Variants in SLC19A1 observed in about 807,000 individuals in gnomAD.
SLC19A1 encodes solute carrier family 19 member 1.
A neutral mutation model predicts 35.3 loss-of-function variants in SLC19A1; 37 were observed. The observed-to-expected ratio is 1.05, with a 90% confidence interval of 0.81 to 1.38. SLC19A1 has a LOEUF of 1.38. Ranked by LOEUF, SLC19A1 falls within the 40% of genes most tolerant of loss-of-function variation. SLC19A1 has a pLI of 0.00. For missense variants in SLC19A1, 831 were observed against 826.9 expected (o/e 1.00, Z -0.06); for synonymous variants, 460 against 398.5 (o/e 1.15, Z -1.84).
downstream of SLC19A1, chr21:45,509,434 C>T (rs2037439756): frequency 6.5e-7 from 1 of 1,533,676 alleles, no homozygotes; most frequent in African/African-American, 1.4e-5. Flanking sequence ...GGAGCACCCC[C>T]ACCCCACCGC....
downstream of SLC19A1, among the ~76,000 whole-genome samples, chr21:45,509,026 C>T (rs898043355): frequency 3.9e-5 from 6 of 152,062 alleles, no homozygotes; most frequent in African/African-American, 1.5e-4. Context: ...GGTCGAAGGT[C>T]GCCGTGTTGA....
At chr21:45,532,472 C>A (rs1360743887) in intron 2 of SLC19A1, among the ~76,000 whole-genome samples, 1 of 152,218 alleles carries the variant, frequency 6.6e-6, no homozygotes, top group Non-Finnish European at 1.5e-5. Context: ...CTTGCTCTGT[C>A]GCCCAGGCTG....
At position 45,516,032 on chromosome 21, in the gene SLC19A1, G is replaced by T; in HGVS notation, c.1402C>A (p.Pro468Thr). The change falls in exon 6 of 6, where the codon CCG becomes ACG. Residue 468 changes from proline (P) to threonine (T), a missense_variant. Transcript: ENST00000311124. ...GCGGCACTCCTCAGGCCCTGGGCCG[G>T]GGGCTGCCGCGGGTGGTGGCCCCGC... is the stretch of plus-strand genomic sequence containing the variant. ...CQRGHHPRQPPAQGLRSAAEE... is the reference protein window; with the variant it reads ...CQRGHHPRQPTAQGLRSAAEE... The T allele has an allele frequency of 6.3e-7, 1 of 1,581,192 alleles. No homozygotes were observed. The highest frequency in any genetic ancestry group is 2.3e-5 in the East Asian group (1 of 43,822).
chr21:45,545,061 T>C (rs1323335015), upstream of SLC19A1, among the ~76,000 whole-genome samples: 3 of 152,218 alleles, frequency 2.0e-5, no homozygotes, highest in African/African-American at 4.8e-5. Flanking sequence ...AAGCAAGGCT[T>C]GGACCAAATG....
chr21:45,532,042 T>TGCA lies in SLC19A1; in HGVS notation c.293_295dup (p.Leu98dup), dbSNP rs1226269513. ...CCACACCGACACGAAGCTGAGCCCC[T>TGCA]GCAGCAGCAGCACCGGCGTGTAGCG... On this transcript the variant is annotated inframe_insertion, in exon 3 of 6. Coordinates refer to ENST00000311124, the MANE Select transcript of SLC19A1 (RefSeq NM_194255.4). The TGCA allele has an allele frequency of 1.2e-6, 2 of 1,612,214 alleles. No homozygotes were observed. The highest frequency in any genetic ancestry group is 1.7e-5 in the Admixed American group (1 of 59,988).
intron 1 of SLC19A1, among the ~76,000 whole-genome samples, chr21:45,551,638 G>A (rs1023977744): frequency 5.9e-5 from 9 of 152,192 alleles, no homozygotes; most frequent in Admixed American, 2.0e-4. Flanking sequence ...ATCAAAGAAC[G>A]TGGCCTAAGC....
chr21:45,561,389 C>A (rs1301251384), intron 1 of SLC19A1, among the ~76,000 whole-genome samples: 3 of 152,164 alleles, frequency 2.0e-5, no homozygotes, highest in Admixed American at 6.5e-5. Flanking sequence ...TATGGTAGGT[C>A]TGGGGCCCGG....
At position 45,530,958 on chromosome 21, in the gene SLC19A1, G is replaced by A. The variant is rs759486957; in HGVS notation, c.963C>T (p.Ser321=). 7 of 1,449,738 alleles carry A rather than the reference G, an allele frequency of 4.8e-6. No homozygotes were observed. The African/African-American group carries it at 1.1e-4, about 22-fold the overall frequency. The allele number at this position is 1,449,738 out of a possible 1,614,324, so 89.8% of individuals were successfully genotyped here. A position where few individuals can be genotyped will look rare whatever the true frequency, so the allele number is the denominator to read the frequency against. ...AASTLLGAIT[S]FAAGFVKIRW... is the part of the protein sequence containing the mutation. ...GGATCTTCACGAAGCCCGCGGCGAA[G>A]GACGTGATGGCGCCTGAGAGGGGAG... The change falls in exon 4 of 6, where the codon TCC becomes TCT. Residue 321 remains serine (S), a synonymous_variant. Coordinates refer to ENST00000311124, the MANE Select transcript of SLC19A1 (RefSeq NM_194255.4). This position sits in a 1 kb window ranked among gnomAD's most constrained non-coding sequence, Gnocchi z 5.3.
chr21:45,507,984 A>G (rs1237606070), downstream of SLC19A1, among the ~76,000 whole-genome samples: 1 of 152,148 alleles, frequency 6.6e-6, no homozygotes, highest in Non-Finnish European at 1.5e-5. Flanking sequence ...TGGGTGGGTG[A>G]ATCAATGGGG....
Position 45,530,697 on chromosome 21 carries a change from G to T in SLC19A1, c.1151+73C>A. The T allele has an allele frequency of 1.4e-6, 2 of 1,446,472 alleles. No individual in the cohort carries two copies. The highest frequency in any genetic ancestry group is 2.5e-5 in the South Asian group (2 of 80,068). 89.6% of individuals were successfully genotyped at this position (1,446,472 alleles called of 1,614,324 possible). A position where few individuals can be genotyped will look rare whatever the true frequency, so the allele number is the denominator to read the frequency against. Reference sequence around the variant, plus strand: ...CCGCTGGGGCGCAGCAGGAAGGTGGGAGCACCCAGCGAAGCGCGGGGCTTG... The same window carrying T: ...CCGCTGGGGCGCAGCAGGAAGGTGGTAGCACCCAGCGAAGCGCGGGGCTTG... On this transcript the variant is annotated intron_variant, in intron 4 of 5. Coordinates refer to ENST00000311124, the MANE Select transcript of SLC19A1 (RefSeq NM_194255.4). This position sits in a 1 kb window ranked among gnomAD's most constrained non-coding sequence, Gnocchi z 5.3.
chr21:45,518,328 G>A (rs1602706180), intron 5 of SLC19A1, among the ~76,000 whole-genome samples: 1 of 152,030 alleles, frequency 6.6e-6, no homozygotes. Flanking sequence ...AGAAAAAATG[G>A]ACTGAAAAAA....
rs202114789 is a variant in SLC19A1 at position 45,525,929 on chromosome 21, T to C, written c.1181A>G (p.Glu394Gly). Residue 394 changes from glutamate (E) to glycine (G), a missense_variant, in exon 5 of 6, where the codon GAG (glutamate) becomes GGG (glycine). Physicochemically the swap from Glu to Gly is moderately conservative, Grantham distance 98. Transcript: ENST00000311124. ...TFQIASSLSK[E>G]LCALVFGVNT... ...GACCCCGAAGACCAGGGCACAGAGCTCTTTAGACAGAGAAGATGCAATCTG... is the reference window on the plus strand; with the variant it reads ...GACCCCGAAGACCAGGGCACAGAGCCCTTTAGACAGAGAAGATGCAATCTG... 4.3e-6 allele frequency: 7 copies of C among 1,613,498 alleles called. No homozygotes were observed. In the South Asian group the frequency reaches 7.7e-5, roughly 18 times the overall value.
At chr21:45,548,152 G>A (rs148368999), upstream of SLC19A1, among the ~76,000 whole-genome samples, 278 of 152,324 alleles carry the variant, frequency 1.8e-3, 3 homozygotes, top group African/African-American at 6.3e-3. Flanking sequence ...GGGTGTCCAC[G>A]TAATTCATTT....
At position 45,514,257 on chromosome 21, in the gene SLC19A1, A is replaced by ACT. The variant is rs1555877845; in HGVS notation, c.*1400_*1401insAG. 6 of 147,690 alleles carry ACT rather than the reference A, an allele frequency of 4.1e-5. No homozygotes were observed. Among genetic ancestry groups the ACT allele is most frequent in the Admixed American group, 4.0e-4 (6 of 14,912 alleles). 9.1% of individuals were successfully genotyped at this position (147,690 alleles called of 1,614,324 possible). A position where few individuals can be genotyped will look rare whatever the true frequency, so the allele number is the denominator to read the frequency against. The stretch of plus-strand genomic sequence containing the variant: ...CGAGCCCAGGAAATGGCTGGTGCAG[A>ACT]CCCCCCCCCAAGCAGGGTCCCCAGG... On this transcript the variant is annotated 3_prime_UTR_variant, in exon 6 of 6. Coordinates refer to ENST00000311124, the MANE Select transcript of SLC19A1 (RefSeq NM_194255.4).
intron 1 of SLC19A1, among the ~76,000 whole-genome samples, chr21:45,553,634 CCCCCCTCCTAGTCCCCCCGCG>C (rs1401046343): frequency 2.7e-5 from 2 of 74,300 alleles, no homozygotes; most frequent in Non-Finnish European, 5.5e-5. Context: ...TCCCCCCGCG[CCCCCCTCCTAGTCCCCCCGCG>C]CCCCCTTCCC....
At chr21:45,529,220 G>T (rs903269302) in intron 4 of SLC19A1, among the ~76,000 whole-genome samples, 2 of 152,236 alleles carry the variant, frequency 1.3e-5, no homozygotes, top group Non-Finnish European at 2.9e-5. Flanking sequence ...CCGGGAGACT[G>T]CTGCCTGCAT....
intron 3 of SLC19A1, among the ~76,000 whole-genome samples, chr21:45,503,736 T>C (rs558895269): frequency 1.3e-5 from 2 of 151,742 alleles, no homozygotes; most frequent in East Asian, 1.9e-4. Flanking sequence ...TGTATACATA[T>C]GTAACTAACC....
rs374607688 is a variant in SLC19A1 at position 45,503,969 on chromosome 21, A to G, written c.498-5357T>C. On this transcript the variant is annotated intron_variant, in intron 3 of 4. Coordinates refer to the SLC19A1 transcript ENST00000417954. Reference sequence around the variant, plus strand: ...GCTGCAGAGGGAACCCGGCGCTGTCAGACACCACCTCAGCGAGACCCCGCC... The same window carrying G: ...GCTGCAGAGGGAACCCGGCGCTGTCGGACACCACCTCAGCGAGACCCCGCC... 209 of 1,612,174 alleles carry G rather than the reference A, an allele frequency of 1.3e-4. No individual in the cohort carries two copies. In the Admixed American group the frequency reaches 1.4e-3, roughly 11 times the overall value.
At chr21:45,547,752 G>A (rs977344851), upstream of SLC19A1, among the ~76,000 whole-genome samples, 2 of 152,186 alleles carry the variant, frequency 1.3e-5, no homozygotes, top group Non-Finnish European at 2.9e-5. Flanking sequence ...AGACCAGGCT[G>A]TGCCCAGTCA....
Sources: gnomAD v4.1 joint callset for allele counts (sites outside exome capture counted in the v4.1 genomes callset) on GRCh38, gnomAD v4.1.1 for gene constraint, Gnocchi (gnomAD v3.1) non-coding constraint, MANE v1.5 for transcripts, NCBI Gene and HGNC (gene_info 2026-07-23, HGNC 2026-07-21) for gene names.